Variants in GALNTL6 observed in about 807,000 individuals in gnomAD.
GALNTL6 encodes polypeptide N-acetylgalactosaminyltransferase like 6, also known as polypeptide N-acetylgalactosaminyltransferase-like 6.
A neutral mutation model predicts 73.7 loss-of-function variants in GALNTL6; 46 were observed. The observed-to-expected ratio is 0.62, with a 90% CI of 0.49 to 0.80. The LOEUF (loss-of-function observed/expected upper bound fraction) is 0.80, where lower values mean the gene tolerates loss of function less well. Ranked by LOEUF, GALNTL6 falls within the 30% of genes least tolerant of loss-of-function variation. The probability of loss-of-function intolerance (pLI) is 0.00; values close to 1 mark genes in which losing one functional copy is unlikely to be tolerated. For missense variants in GALNTL6, 604 were observed against 755.0 expected, an observed-to-expected ratio of 0.80 and a Z score of 2.34; for synonymous variants, 259 against 263.7, an observed-to-expected ratio of 0.98 and a Z score of 0.17.
At chr4:172,229,190 G>A (rs1579279630) in intron 2 of GALNTL6, among the ~76,000 whole-genome samples, 1 of 152,128 alleles carries the variant, frequency 6.6e-6, no homozygotes, top group African/African-American at 2.4e-5. Context: ...AGTATTTAAC[G>A]TAGAACCTGG....
intron 5 of GALNTL6, among the ~76,000 whole-genome samples, chr4:172,566,747 T>A (rs1231838321): frequency 6.6e-6 from 1 of 151,748 alleles, no homozygotes; most frequent in African/African-American, 2.4e-5. Context: ...ACTAAAAAAA[T>A]TTTTTAAGAT....
chr4:172,528,856 T>C (rs2110839379), intron 5 of GALNTL6, among the ~76,000 whole-genome samples: 1 of 147,498 alleles, frequency 6.8e-6, no homozygotes, highest in African/African-American at 2.5e-5. Context: ...TTTGCATACA[T>C]TATATTTTTC....
intron 8 of GALNTL6, among the ~76,000 whole-genome samples, chr4:172,902,607 G>T (rs1160109324): frequency 6.6e-6 from 1 of 152,288 alleles, no homozygotes; most frequent in Non-Finnish European, 1.5e-5. Flanking sequence ...CAAGGTTCCA[G>T]TTGAGACAAG....
chr4:172,377,384 A>G (rs1198715999), intron 5 of GALNTL6, among the ~76,000 whole-genome samples: 2 of 152,192 alleles, frequency 1.3e-5, no homozygotes, highest in African/African-American at 4.8e-5. Context: ...TTAGCTAGAC[A>G]CAGAGTGCTG....
chr4:172,072,724 T>C (rs1036403662), intron 2 of GALNTL6, among the ~76,000 whole-genome samples: 11 of 152,196 alleles, frequency 7.2e-5, no homozygotes, highest in Admixed American at 7.2e-4. Flanking sequence ...CTCCAAAATA[T>C]ATTTCATACT....
At chr4:172,753,875 T>C (rs996158430) in intron 5 of GALNTL6, among the ~76,000 whole-genome samples, 1 of 152,046 alleles carries the variant, frequency 6.6e-6, no homozygotes, top group Non-Finnish European at 1.5e-5. Context: ...GAAGATTTAG[T>C]AGAGGCCCTT....
intron 3 of GALNTL6, among the ~76,000 whole-genome samples, chr4:172,289,406 G>A (rs1254039357): frequency 6.6e-6 from 1 of 151,988 alleles, no homozygotes; most frequent in Non-Finnish European, 1.5e-5. Flanking sequence ...ATATCGTAGT[G>A]TTTTGACTAT....
At chr4:172,591,984 C>A (rs559891792) in intron 5 of GALNTL6, among the ~76,000 whole-genome samples, 1 of 152,314 alleles carries the variant, frequency 6.6e-6, no homozygotes, top group South Asian at 2.1e-4. Context: ...AGTACTGATT[C>A]TCCAAGTATG....
chr4:171,894,386 T>G (rs1371603377), intron 2 of GALNTL6, among the ~76,000 whole-genome samples: 2 of 152,182 alleles, frequency 1.3e-5, no homozygotes, highest in Admixed American at 6.5e-5. Flanking sequence ...GATTAATAAT[T>G]AATATTAGAA....
At chr4:172,841,773 G>A (rs185734912) in intron 7 of GALNTL6, among the ~76,000 whole-genome samples, 9 of 152,222 alleles carry the variant, frequency 5.9e-5, no homozygotes, top group Admixed American at 3.3e-4. Context: ...CTACGTGTGC[G>A]GATTACATTT....
At chr4:171,930,864 A>G (rs1292871481) in intron 2 of GALNTL6, among the ~76,000 whole-genome samples, 1 of 152,118 alleles carries the variant, frequency 6.6e-6, no homozygotes, top group Non-Finnish European at 1.5e-5. Context: ...ACAGATCAGG[A>G]ACAGGACAAT....
intron 5 of GALNTL6, among the ~76,000 whole-genome samples, chr4:172,639,761 C>G (rs965474267): frequency 1.3e-5 from 2 of 152,166 alleles, no homozygotes; most frequent in East Asian, 3.9e-4. Flanking sequence ...ACCATAATAT[C>G]TACTTGCTGG....
intron 5 of GALNTL6, among the ~76,000 whole-genome samples, chr4:172,550,591 A>ATTTAT (rs753185878): frequency 7.9e-5 from 12 of 152,116 alleles, no homozygotes; most frequent in African/African-American, 1.2e-4. Context: ...GCAATTTAAA[A>ATTTAT]TTTATTTTAT....
chr4:172,817,524 A>G (rs1042162880), intron 7 of GALNTL6, among the ~76,000 whole-genome samples: 6 of 152,150 alleles, frequency 3.9e-5, no homozygotes, highest in African/African-American at 1.4e-4. Flanking sequence ...TCATGATGTA[A>G]TGCTTTGAGG....
intron 5 of GALNTL6, among the ~76,000 whole-genome samples, chr4:172,463,881 T>C (rs1027117759): frequency 6.6e-6 from 1 of 152,182 alleles, no homozygotes; most frequent in Non-Finnish European, 1.5e-5. Flanking sequence ...AAATAGTATA[T>C]ATTATTAGTT....
intron 5 of GALNTL6, among the ~76,000 whole-genome samples, chr4:172,606,614 ATATAG>A (rs1296037104): frequency 1.3e-4 from 5 of 38,546 alleles, no homozygotes; most frequent in Admixed American, 4.0e-4. Flanking sequence ...ATATATACAT[ATATAG>A]TATATATATA....
intron 2 of GALNTL6, among the ~76,000 whole-genome samples, chr4:171,998,133 G>A (rs750201366): frequency 6.6e-6 from 1 of 152,100 alleles, no homozygotes; most frequent in East Asian, 1.9e-4. Flanking sequence ...CAAATCATGA[G>A]CAATGCTAAG....
At chr4:171,916,345 C>T (rs1360793661) in intron 2 of GALNTL6, among the ~76,000 whole-genome samples, 1 of 151,988 alleles carries the variant, frequency 6.6e-6, no homozygotes, top group Non-Finnish European at 1.5e-5. Flanking sequence ...GTTATAATCA[C>T]AATATATGTC....
chr4:171,922,338 G>T (rs527930568), intron 2 of GALNTL6, among the ~76,000 whole-genome samples: 49 of 151,964 alleles, frequency 3.2e-4, no homozygotes, highest in African/African-American at 1.2e-3. Context: ...CAAACATATG[G>T]TATATTTTTA....
Sources: allele counts gnomAD v4.1 joint callset (sites outside exome capture counted in the v4.1 genomes callset), GRCh38; gene constraint gnomAD v4.1.1; transcripts MANE v1.5; gene names NCBI Gene and HGNC (gene_info 2026-07-23, HGNC 2026-07-21).